Variants in SGK3 observed in about 807,000 individuals in gnomAD.
The protein encoded by SGK3 is serine/threonine-protein kinase Sgk3.
In SGK3, 47 loss-of-function variants were observed where a neutral mutation model predicts 68.5. That is an observed-to-expected ratio of 0.69 (90% CI 0.54 to 0.87). SGK3 has a LOEUF of 0.87. Among genes scored for constraint, SGK3 ranks in the 40% least tolerant of loss-of-function variants. The pLI is 0.00. For missense variants in SGK3, 479 were observed against 575.5 expected (o/e 0.83, Z 1.72); for synonymous variants, 181 against 189.1 (o/e 0.96, Z 0.35).
At chr8:66,723,129 ATATTT>A (rs1437378250) in intron 1 of SGK3, among the ~76,000 whole-genome samples, 9 of 40,610 alleles carry the variant, frequency 2.2e-4, no homozygotes, top group Non-Finnish European at 3.3e-4. Flanking sequence ...ATATATATAT[ATATTT>A]TTTTTTTTTT....
chr8:66,788,894 T>C (rs763576544), intron 1 of SGK3, among the ~76,000 whole-genome samples: 1 of 152,174 alleles, frequency 6.6e-6, no homozygotes, highest in Non-Finnish European at 1.5e-5. Context: ...ATGGTATCCA[T>C]GTGATGGACC....
intron 1 of SGK3, among the ~76,000 whole-genome samples, chr8:66,789,804 G>A (rs1287075773): frequency 6.6e-6 from 1 of 152,174 alleles, no homozygotes; most frequent in African/African-American, 2.4e-5. Flanking sequence ...TATGCTGGGT[G>A]TGGTGGCTTA....
chr8:66,725,490 T>A (rs75657891), intron 1 of SGK3, among the ~76,000 whole-genome samples: 1 of 146,390 alleles, frequency 6.8e-6, no homozygotes, highest in Admixed American at 6.8e-5. Flanking sequence ...CTTCTCACTA[T>A]TTTTTTTTTT....
At chr8:66,847,106 C>A in intron 14 of SGK3, 87 bp from the exon 15 acceptor site, 1 of 1,532,400 alleles carries the variant, frequency 6.5e-7, no homozygotes, top group Non-Finnish European at 8.7e-7. Flanking sequence ...TTTCAACTGA[C>A]TGCTCCCTCA....
intron 16 of SGK3, among the ~76,000 whole-genome samples, chr8:66,855,057 A>G (rs1160368334): frequency 1.3e-5 from 2 of 152,212 alleles, no homozygotes; most frequent in African/African-American, 2.4e-5. Context: ...CACCTATTCC[A>G]GGAACCTAAA....
At chr8:66,725,882 T>C (rs1440134749) in intron 1 of SGK3, among the ~76,000 whole-genome samples, 1 of 152,152 alleles carries the variant, frequency 6.6e-6, no homozygotes, top group Non-Finnish European at 1.5e-5. Flanking sequence ...TACTCAGTTG[T>C]TTCCTAATAA....
chr8:66,843,427 T>C (rs769326108), intron 13 of SGK3, 25 bp from the exon 14 acceptor site: 2 of 1,595,718 alleles, frequency 1.3e-6, no homozygotes, highest in Non-Finnish European at 8.5e-7. Flanking sequence ...ACTGACTTGC[T>C]CTAATATTTT....
intron 1 of SGK3, among the ~76,000 whole-genome samples, chr8:66,776,811 G>T (rs1383963275): frequency 6.6e-6 from 1 of 152,140 alleles, no homozygotes; most frequent in Non-Finnish European, 1.5e-5. Context: ...TCTCAAAGTT[G>T]CTACATTAAT....
chr8:66,820,167 A>G lies in SGK3; in HGVS notation c.330-2205A>G, dbSNP rs1022861043. On this transcript the variant is annotated intron_variant, in intron 5 of 16. Coordinates refer to ENST00000521198, the MANE Select transcript of SGK3 (RefSeq NM_001033578.3). Reference sequence around the variant, plus strand: ...CTTTACAACCATCATCACTAATTCTATCACCCCAAAGCTAATCTAACATTT... The same window carrying G: ...CTTTACAACCATCATCACTAATTCTGTCACCCCAAAGCTAATCTAACATTT... 5.3e-5 allele frequency among the ~76,000 whole-genome samples: 8 copies of G among 152,256 alleles called. No individual in the cohort carries two copies. The East Asian group carries it at 5.8e-4, about 11-fold the overall frequency.
At chr8:66,719,930 T>A (rs148107100) in intron 1 of SGK3, among the ~76,000 whole-genome samples, 33 of 152,352 alleles carry the variant, frequency 2.2e-4, no homozygotes, top group Non-Finnish European at 4.9e-4. Flanking sequence ...ATATCTTCAA[T>A]GCCATTTTTA....
chr8:66,783,353 C>A (rs1466882771), intron 1 of SGK3, among the ~76,000 whole-genome samples: 2 of 152,156 alleles, frequency 1.3e-5, no homozygotes, highest in Non-Finnish European at 2.9e-5. Context: ...TTTTAGATAA[C>A]AGTCCTTTAT....
chr8:66,807,085 T>C (rs1808199633), intron 4 of SGK3, among the ~76,000 whole-genome samples: 1 of 151,848 alleles, frequency 6.6e-6, no homozygotes, highest in South Asian at 2.1e-4. Flanking sequence ...AGATAATGAG[T>C]ATGGGGACTA....
chr8:66,838,473 C>G (rs1438257465), intron 10 of SGK3, among the ~76,000 whole-genome samples: 1 of 152,174 alleles, frequency 6.6e-6, no homozygotes, highest in Non-Finnish European at 1.5e-5. Flanking sequence ...ACCTAGATAT[C>G]TCGACTGCAG....
chr8:66,808,959 TC>T (rs1202684230), intron 4 of SGK3, among the ~76,000 whole-genome samples: 1 of 151,962 alleles, frequency 6.6e-6, no homozygotes, highest in Non-Finnish European at 1.5e-5. Flanking sequence ...AACCTCCACC[TC>T]CCCAGTTCAA....
intron 2 of SGK3, among the ~76,000 whole-genome samples, chr8:66,797,777 T>G (rs1278885403): frequency 6.6e-6 from 1 of 152,200 alleles, no homozygotes; most frequent in East Asian, 1.9e-4. Context: ...TAATTACTGC[T>G]AGGGAAGAAG....
intron 1 of SGK3, among the ~76,000 whole-genome samples, chr8:66,741,157 A>G (rs919696798): frequency 6.6e-6 from 1 of 152,272 alleles, no homozygotes; most frequent in Non-Finnish European, 1.5e-5. Flanking sequence ...AGTTTACTTA[A>G]TAGGCAGAGT....
chr8:66,759,272 A>G (rs112729772), intron 1 of SGK3, among the ~76,000 whole-genome samples: 18,700 of 149,654 alleles, frequency 0.12, 2,148 homozygotes, highest in African/African-American at 0.3. Context: ...TTTAGTAGAG[A>G]TGGGGTTTCA....
At chr8:66,842,396 AT>A (rs1809834942) in intron 13 of SGK3, among the ~76,000 whole-genome samples, 1 of 151,544 alleles carries the variant, frequency 6.6e-6, no homozygotes, top group Admixed American at 6.6e-5. Flanking sequence ...AATTTTTTGT[AT>A]TTTTGGTAGA....
chr8:66,714,373 T>A (rs1031396857), intron 1 of SGK3, among the ~76,000 whole-genome samples: 4 of 152,200 alleles, frequency 2.6e-5, no homozygotes, highest in African/African-American at 9.6e-5. Context: ...CATGCCCTCT[T>A]CAAATGTGCA....
Sources: gnomAD v4.1 joint callset for allele counts (sites outside exome capture counted in the v4.1 genomes callset) on GRCh38, gnomAD v4.1.1 for gene constraint, MANE v1.5 for transcripts, NCBI Gene and HGNC (gene_info 2026-07-23, HGNC 2026-07-21) for gene names.